CACHD1: variants seen among roughly 807,000 people sequenced by gnomAD.
CACHD1 encodes cache domain containing 1, also known as VWFA and cache domain-containing protein 1.
A neutral mutation model predicts 138.7 loss-of-function variants in CACHD1; 71 were observed. The observed-to-expected ratio is 0.51, with a 90% CI of 0.42 to 0.62. The LOEUF (loss-of-function observed/expected upper bound fraction) is 0.62, where lower values mean the gene tolerates loss of function less well. Ranked by LOEUF, CACHD1 falls within the 20% of genes least tolerant of loss-of-function variation. The pLI is 0.00. For missense variants in CACHD1, 1,389 were observed against 1,625.3 expected (o/e 0.85, Z 2.50); for synonymous variants, 578 against 591.5 (o/e 0.98, Z 0.33).
intron 7 of CACHD1, 32 bp downstream of exon 7, chr1:64,634,292 A>G (rs371676605): frequency 3.3e-6 from 5 of 1,521,444 alleles, no homozygotes; most frequent in Non-Finnish European, 3.7e-6. Context: ...ACTTAGAGGC[A>G]TAGTAGATAA....
intron 2 of CACHD1, among the ~76,000 whole-genome samples, chr1:64,576,613 C>A (rs1012178991): frequency 2.0e-5 from 3 of 152,124 alleles, no homozygotes; most frequent in African/African-American, 7.2e-5. Flanking sequence ...TGGAGGGAGG[C>A]AAGAGCACCC....
chr1:64,473,695 C>T (rs1570286416), intron 1 of CACHD1, among the ~76,000 whole-genome samples: 1 of 152,340 alleles, frequency 6.6e-6, no homozygotes, highest in East Asian at 1.9e-4. Flanking sequence ...AGGACACCAT[C>T]TCACTTTATG....
At chr1:64,684,800 T>G (rs1650311183) in intron 26 of CACHD1, among the ~76,000 whole-genome samples, 1 of 151,612 alleles carries the variant, frequency 6.6e-6, no homozygotes, top group Non-Finnish European at 1.5e-5. Flanking sequence ...GTACCTTTTT[T>G]GTTTTTTGTT....
rs577832895 is a variant in CACHD1, at chr1:64,683,637, C to T, written c.3586+1531C>T. ...CAGTGTCAGTATCTGAACACTAAGG[C>T]ATCCAGCTAAGGGCTTGGTTCCTTT... is the stretch of plus-strand genomic sequence containing the variant. On this transcript the variant is annotated intron_variant, in intron 26 of 26. Coordinates refer to ENST00000651257, the MANE Select transcript of CACHD1 (RefSeq NM_020925.4). Among the ~76,000 whole-genome samples the T allele has an allele frequency of 2.0e-5, 3 of 152,310 alleles. No homozygotes were observed. In the East Asian group the frequency reaches 5.8e-4, roughly 29 times the overall value.
Position 64,530,621 on chromosome 1 carries a change from A to C in CACHD1, c.199-19973A>C, listed in dbSNP as rs546654824. On this transcript the variant is annotated intron_variant, in intron 1 of 26. Transcript: ENST00000651257. ...TGCGGTGGCTCACGCCTGTAATCCCAGCACTTTGGGAGGCCGAGGTGGGCG... is the reference window on the plus strand; with the variant it reads ...TGCGGTGGCTCACGCCTGTAATCCCCGCACTTTGGGAGGCCGAGGTGGGCG... Among the ~76,000 whole-genome samples the C allele has an allele frequency of 1.4e-4, 21 of 152,252 alleles. No individual in the cohort carries two copies. The South Asian group carries it at 4.4e-3, about 32-fold the overall frequency.
chr1:64,573,503 AT>A (rs1646942731), intron 2 of CACHD1, among the ~76,000 whole-genome samples: 1 of 152,206 alleles, frequency 6.6e-6, no homozygotes, highest in Non-Finnish European at 1.5e-5. Flanking sequence ...AGCAGCTGAT[AT>A]TACCTAGGAA....
At chr1:64,637,532 C>T (rs538302221) in intron 7 of CACHD1, among the ~76,000 whole-genome samples, 2 of 152,340 alleles carry the variant, frequency 1.3e-5, no homozygotes, top group East Asian at 3.9e-4. Flanking sequence ...CACAGACATT[C>T]CTGCACTGCA....
chr1:64,586,978 A>G (rs536219291), intron 3 of CACHD1, among the ~76,000 whole-genome samples: 1 of 152,324 alleles, frequency 6.6e-6, no homozygotes, highest in South Asian at 2.1e-4. Flanking sequence ...GTATCTTGCC[A>G]TATGTATATG....
intron 16 of CACHD1, among the ~76,000 whole-genome samples, chr1:64,668,656 A>G (rs1649718907): frequency 1.3e-5 from 2 of 152,200 alleles, no homozygotes. Flanking sequence ...CTCCTGAGTC[A>G]CTCAGTGAGT....
chr1:64,661,208 A>C (rs139854742), intron 13 of CACHD1, among the ~76,000 whole-genome samples: 1 of 152,220 alleles, frequency 6.6e-6, no homozygotes, highest in African/African-American at 2.4e-5. Context: ...TTTAGAGGCC[A>C]GGTCTTAAAT....
intron 4 of CACHD1, among the ~76,000 whole-genome samples, chr1:64,618,345 G>A (rs1570421849): frequency 6.6e-6 from 1 of 152,246 alleles, no homozygotes; most frequent in Middle Eastern, 3.4e-3. Flanking sequence ...TTTTGTTTAT[G>A]CCATGGCCCC....
chr1:64,621,139 T>C (rs1647899952), intron 4 of CACHD1, among the ~76,000 whole-genome samples: 1 of 152,224 alleles, frequency 6.6e-6, no homozygotes, highest in African/African-American at 2.4e-5. Flanking sequence ...ATGCTTGTAA[T>C]GAGAATACTT....
intron 4 of CACHD1, among the ~76,000 whole-genome samples, chr1:64,618,272 TAAG>T (rs1482154678): frequency 6.6e-6 from 1 of 152,150 alleles, no homozygotes; most frequent in Non-Finnish European, 1.5e-5. Flanking sequence ...GCTACACAAC[TAAG>T]AAGAGTGGTC....
intron 1 of CACHD1, among the ~76,000 whole-genome samples, chr1:64,531,885 C>T (rs908620560): frequency 2.0e-5 from 3 of 152,010 alleles, no homozygotes; most frequent in East Asian, 1.9e-4. Context: ...TTCTGTAGGA[C>T]GTATTAGAAG....
intron 7 of CACHD1, 114 bp downstream of exon 7, chr1:64,634,374 G>GTATTCATT (rs151171151): frequency 1.5e-5 from 4 of 259,736 alleles, no homozygotes; most frequent in Non-Finnish European, 3.0e-5. Flanking sequence ...ATTTATTTAT[G>GTATTCATT]TATGTATTTA....
At chr1:64,543,398 A>AATATAT (rs1553131362) in intron 1 of CACHD1, among the ~76,000 whole-genome samples, 1 of 53,074 alleles carries the variant, frequency 1.9e-5, no homozygotes, top group African/African-American at 8.0e-5. Flanking sequence ...TCTAAAAAAA[A>AATATAT]ATACATATAT....
At chr1:64,471,175 C>T (rs967277091) in intron 1 of CACHD1, among the ~76,000 whole-genome samples, 1 of 152,218 alleles carries the variant, frequency 6.6e-6, no homozygotes, top group Non-Finnish European at 1.5e-5. Context: ...GCCCTCTGCA[C>T]GGAACCCACT....
At position 64,654,765 on chromosome 1, in the gene CACHD1, G is replaced by A; in HGVS notation, c.1744G>A (p.Gly582Arg). The change falls in exon 12 of 27, where the codon GGA becomes AGA. Residue 582 changes from glycine to arginine, a missense_variant. Physicochemically the swap from Gly to Arg is moderately radical, Grantham distance 125. Transcript: ENST00000651257. ...GCACATAAACAAGCTGAGAGAAACT[G>A]GAAAGGAAGCCTACAATGTTAGCTA... The part of the protein sequence containing the change: ...SWHINKLRET[G>R]KEAYNVSYAW... 1.2e-6 allele frequency: 2 copies of A among 1,613,824 alleles called. No individual in the cohort carries two copies. Among genetic ancestry groups the A allele is most frequent in the Non-Finnish European group, 1.7e-6 (2 of 1,179,742 alleles).
intron 2 of CACHD1, among the ~76,000 whole-genome samples, chr1:64,575,987 C>T (rs959520408): frequency 6.6e-6 from 1 of 152,148 alleles, no homozygotes; most frequent in African/African-American, 2.4e-5. Flanking sequence ...TGTGATGAAA[C>T]GTTGTCACTG....
Sources: gnomAD v4.1 joint callset for allele counts (sites outside exome capture counted in the v4.1 genomes callset) on GRCh38, gnomAD v4.1.1 for gene constraint, MANE v1.5 for transcripts, NCBI Gene and HGNC (gene_info 2026-07-23, HGNC 2026-07-21) for gene names.